The following ZNF407 variants were observed in gnomAD, a reference collection of about 807,000 sequenced individuals.
The protein encoded by ZNF407 is zinc finger protein 407.
Under a neutral mutation model 131.2 loss-of-function variants are expected in ZNF407, and 17 were observed. The observed-to-expected ratio is 0.13, with a 90% CI of 0.09 to 0.19. The LOEUF is 0.19. Ranked by LOEUF, ZNF407 falls within the 10% of genes least tolerant of loss-of-function variation. The pLI, the probability that ZNF407 is intolerant of heterozygous loss-of-function variation, is 1.00. For synonymous variants in ZNF407, 1,156 were observed against 1,062.0 expected, an observed-to-expected ratio of 1.09 and a Z score of -1.72; for missense variants, 2,681 against 2,830.6, an observed-to-expected ratio of 0.95 and a Z score of 1.20.
At chr18:74,989,055 C>G (rs1041496157) in intron 8 of ZNF407, among the ~76,000 whole-genome samples, 1 of 152,014 alleles carries the variant, frequency 6.6e-6, no homozygotes, top group Non-Finnish European at 1.5e-5. Context: ...TTCAAGTAAT[C>G]GAAAGTTAGA....
At chr18:74,973,810 A>G (rs1972499150) in intron 8 of ZNF407, among the ~76,000 whole-genome samples, 1 of 151,938 alleles carries the variant, frequency 6.6e-6, no homozygotes, top group Non-Finnish European at 1.5e-5. Flanking sequence ...TGGCAGCGTA[A>G]CTCCAGTCTT....
In ZNF407 at chr18:74,724,279, G is replaced by A. The variant is rs114383319; in HGVS notation, c.4803-57149G>A. ...TAAATACATGTGTACATGGTGAAAT[G>A]TTCAAAGCAGGGTAATCAGTAAATC... On this transcript the variant is annotated intron_variant, in intron 3 of 8. Transcript: ENST00000299687. Among the ~76,000 whole-genome samples, 956 of 152,290 alleles carry A rather than the reference G, an allele frequency of 6.3e-3. 7 individuals are homozygous for A. The highest frequency in any genetic ancestry group is 0.021 in the African/African-American group (893 of 41,558).
intron 3 of ZNF407, among the ~76,000 whole-genome samples, chr18:74,757,271 A>G (rs767401248): frequency 1.4e-4 from 21 of 151,900 alleles, no homozygotes; most frequent in Admixed American, 2.6e-4. Context: ...TCTTTTTTTA[A>G]TATACAGATG....
At chr18:74,716,266 G>T (rs1967892136) in intron 3 of ZNF407, among the ~76,000 whole-genome samples, 1 of 152,148 alleles carries the variant, frequency 6.6e-6, no homozygotes, top group Non-Finnish European at 1.5e-5. Flanking sequence ...GACATGATGT[G>T]ACCTGTTTTG....
At chr18:74,664,634 A>T (rs1449720451) in intron 3 of ZNF407, among the ~76,000 whole-genome samples, 1 of 152,180 alleles carries the variant, frequency 6.6e-6, no homozygotes, top group Non-Finnish European at 1.5e-5. Flanking sequence ...AGTTGAAGAA[A>T]TAGCCTTAAA....
chr18:74,884,104 T>G (rs893777411), intron 6 of ZNF407, among the ~76,000 whole-genome samples: 3 of 152,244 alleles, frequency 2.0e-5, no homozygotes, highest in African/African-American at 4.8e-5. Context: ...TTGATCAGTC[T>G]GCCATCAGTT....
intron 8 of ZNF407, among the ~76,000 whole-genome samples, chr18:75,018,377 AAAATT>A (rs1342262199): frequency 1.3e-5 from 2 of 152,068 alleles, no homozygotes; most frequent in African/African-American, 4.8e-5. Flanking sequence ...TAAAAACTAA[AAAATT>A]AATGATAAAA....
intron 3 of ZNF407, among the ~76,000 whole-genome samples, chr18:74,686,733 T>C (rs530057068): frequency 1.3e-5 from 2 of 152,328 alleles, no homozygotes; most frequent in Non-Finnish European, 2.9e-5. Context: ...TTATAGATGC[T>C]TAGTGAAAGA....
intron 8 of ZNF407, among the ~76,000 whole-genome samples, chr18:75,039,610 G>A (rs553926755): frequency 1.5e-3 from 235 of 151,948 alleles, no homozygotes; most frequent in Non-Finnish European, 1.3e-3. Flanking sequence ...TGCATTTGCA[G>A]CTGTCAAATC....
At chr18:75,030,222 G>A (rs1973223912) in intron 8 of ZNF407, among the ~76,000 whole-genome samples, 1 of 152,100 alleles carries the variant, frequency 6.6e-6, no homozygotes, top group South Asian at 2.1e-4. Flanking sequence ...TTTTGTCCAT[G>A]AACTTCACTG....
intron 6 of ZNF407, among the ~76,000 whole-genome samples, chr18:74,881,659 A>C (rs1174112719): frequency 6.6e-6 from 1 of 152,190 alleles, no homozygotes; most frequent in Non-Finnish European, 1.5e-5. Context: ...TTGCTGTTTC[A>C]GTTGTTCTTG....
At chr18:75,027,410 G>A (rs1599300848) in intron 8 of ZNF407, among the ~76,000 whole-genome samples, 2 of 152,340 alleles carry the variant, frequency 1.3e-5, no homozygotes, top group East Asian at 3.9e-4. Context: ...TAGGAGACTA[G>A]TTAGGAGATA....
intron 4 of ZNF407, among the ~76,000 whole-genome samples, chr18:74,833,896 A>G (rs1243410337): frequency 6.6e-6 from 1 of 152,092 alleles, no homozygotes; most frequent in Admixed American, 6.6e-5. Flanking sequence ...AGGATCTCAT[A>G]TTCCTTTTTG....
At chr18:74,697,549 A>C (rs1967388084) in intron 3 of ZNF407, among the ~76,000 whole-genome samples, 2 of 152,132 alleles carry the variant, frequency 1.3e-5, no homozygotes, top group Non-Finnish European at 2.9e-5. Context: ...TAGAATATAA[A>C]CGTTATGATT....
chr18:74,860,654 A>G (rs1291628064), intron 4 of ZNF407, among the ~76,000 whole-genome samples: 4 of 152,114 alleles, frequency 2.6e-5, no homozygotes, highest in Admixed American at 2.6e-4. Context: ...TAGATTCATC[A>G]AACCGTACCA....
At chr18:74,900,280 C>T (rs1971506668) in intron 7 of ZNF407, among the ~76,000 whole-genome samples, 1 of 152,148 alleles carries the variant, frequency 6.6e-6, no homozygotes, top group Non-Finnish European at 1.5e-5. Context: ...AGAACTGTGG[C>T]TTCAGGCCTT....
chr18:74,903,635 G>A (rs1449906019), intron 7 of ZNF407, among the ~76,000 whole-genome samples: 1 of 152,096 alleles, frequency 6.6e-6, no homozygotes, highest in East Asian at 1.9e-4. Flanking sequence ...TAACAGAAGT[G>A]GAAAGAATAA....
At chr18:74,982,266 C>T (rs1972601747) in intron 8 of ZNF407, among the ~76,000 whole-genome samples, 1 of 152,182 alleles carries the variant, frequency 6.6e-6, no homozygotes, top group Non-Finnish European at 1.5e-5. Context: ...TACACAGCGT[C>T]CTATTGAAGA....
In ZNF407 at chr18:74,746,123, C is replaced by T. The variant is rs147105319; in HGVS notation, c.4803-35305C>T. ...CTAGGCTGCAAACCTGTCCAGCATG[C>T]GACTGTACTGAGTGCTGTGCGAGTG... On this transcript the variant is annotated intron_variant, in intron 3 of 8. Transcript: ENST00000299687. Among the ~76,000 whole-genome samples the T allele has an allele frequency of 6.1e-3, 921 of 152,206 alleles. 11 individuals carry two copies. The highest frequency in any genetic ancestry group is 0.021 in the African/African-American group (881 of 41,508).
Sources: gnomAD v4.1 joint callset for allele counts (sites outside exome capture counted in the v4.1 genomes callset) on GRCh38, gnomAD v4.1.1 for gene constraint, MANE v1.5 for transcripts, NCBI Gene and HGNC (gene_info 2026-07-23, HGNC 2026-07-21) for gene names.